The following CFAP54 variants were observed in gnomAD, a reference collection of about 807,000 sequenced individuals.
CFAP54 encodes cilia- and flagella-associated protein 54.
A neutral mutation model predicts 370.4 loss-of-function variants in CFAP54; 290 were observed. The observed-to-expected ratio is 0.78, with a 90% CI of 0.71 to 0.86. The LOEUF (loss-of-function observed/expected upper bound fraction) is 0.86, where lower values mean the gene tolerates loss of function less well. CFAP54 is among the 40% of genes least tolerant of loss of function. The pLI is 0.00. For missense variants in CFAP54, 3,399 were observed against 3,528.7 expected (o/e 0.96, Z 0.93); for synonymous variants, 1,206 against 1,236.5 (o/e 0.98, Z 0.52).
Position 96,789,837 on chromosome 12 carries a change from ATCATGT to A in CFAP54, c.8680-2491_8680-2486del, listed in dbSNP as rs1326034177. ...CTTGCCTGACAGGTGAAGCCACCTC[ATCATGT>A]GTTCGTTTCACTGGGGTAGACAGCT... On this transcript the variant is annotated intron_variant, in intron 62 of 67. Transcript: ENST00000524981. Among the ~76,000 whole-genome samples, 6 of 152,306 alleles carry A rather than the reference ATCATGT, an allele frequency of 3.9e-5. 1 individual carries two copies. Among genetic ancestry groups the A allele is most frequent in the Non-Finnish European group, 8.8e-5 (6 of 68,024 alleles).
At chr12:96,800,049 A>T (rs112309052) in intron 63 of CFAP54, among the ~76,000 whole-genome samples, 1,751 of 152,342 alleles carry the variant, frequency 0.011, 35 homozygotes, top group African/African-American at 0.039. Context: ...AGGAATACAT[A>T]GTCGGGAAAC....
intron 35 of CFAP54, among the ~76,000 whole-genome samples, chr12:96,650,938 G>A (rs1291384743): frequency 6.6e-6 from 1 of 152,164 alleles, no homozygotes; most frequent in African/African-American, 2.4e-5. Flanking sequence ...TGGGTCAGCA[G>A]TCTTGAAAGC....
chr12:96,805,271 G>A (rs889391122), intron 63 of CFAP54, among the ~76,000 whole-genome samples: 2 of 151,932 alleles, frequency 1.3e-5, no homozygotes, highest in Non-Finnish European at 1.5e-5. Context: ...AAGCTACACA[G>A]CAAAGGAAAT....
intron 48 of CFAP54, among the ~76,000 whole-genome samples, chr12:96,715,093 A>C (rs984148055): frequency 3.9e-5 from 6 of 152,200 alleles, no homozygotes; most frequent in Non-Finnish European, 7.4e-5. Context: ...TGGAATAGGA[A>C]ACAAAGACAT....
At chr12:96,874,016 C>A (rs777802923) in intron 67 of CFAP54, among the ~76,000 whole-genome samples, 2 of 152,166 alleles carry the variant, frequency 1.3e-5, no homozygotes, top group African/African-American at 2.4e-5. Context: ...CTCAAGATAA[C>A]CCTATCCAGT....
rs1397348574 is a variant in CFAP54 at position 96,623,873 on chromosome 12, C to A, written c.3878C>A (p.Thr1293Lys). 3 of 1,525,716 alleles carry A rather than the reference C, an allele frequency of 2.0e-6. No individual in the cohort carries two copies. Among genetic ancestry groups the A allele is most frequent in the Non-Finnish European group, 2.6e-6 (3 of 1,138,836 alleles). 94.5% of individuals were successfully genotyped at this position (1,525,716 alleles called of 1,614,324 possible). The change falls in exon 28 of 68, where the codon ACA becomes AAA. Residue 1293 changes from threonine to lysine, a missense_variant. This residue lies in a region of CFAP54 where 2,796 missense variants were observed against 2,869.7 expected (regional missense o/e 0.97). Coordinates refer to ENST00000524981, the MANE Select transcript of CFAP54 (RefSeq NM_001306084.2). ...TTGGAGACACACCTACTCAAACTGA[C>A]AAAGCAATGTAATCATTTGTTTTCT... is the stretch of plus-strand genomic sequence containing the variant. The part of the protein sequence containing the change: ...ALLETHLLKL[T>K]KQYVTSELSG...
intron 38 of CFAP54, among the ~76,000 whole-genome samples, chr12:96,658,616 CT>C (rs11316052): frequency 0.21 from 30,615 of 147,696 alleles, 3,568 homozygotes; most frequent in South Asian, 0.32. Context: ...GCCCAGAGTA[CT>C]TTTTTTTTTT....
At chr12:96,698,835 A>C (rs2136574739) in intron 45 of CFAP54, among the ~76,000 whole-genome samples, 2 of 152,356 alleles carry the variant, frequency 1.3e-5, no homozygotes, top group South Asian at 4.1e-4. Flanking sequence ...GAATGAAACA[A>C]GAAAAGAATG....
At chr12:96,826,769 T>G (rs1361560073) in intron 65 of CFAP54, among the ~76,000 whole-genome samples, 1 of 111,648 alleles carries the variant, frequency 9.0e-6, no homozygotes, top group African/African-American at 3.8e-5. Flanking sequence ...ATTAATATAT[T>G]ATATAATATA....
At chr12:96,825,590 A>C (rs1358400924) in intron 65 of CFAP54, among the ~76,000 whole-genome samples, 1 of 119,292 alleles carries the variant, frequency 8.4e-6, no homozygotes, top group Admixed American at 1.0e-4. Context: ...TTATATATAC[A>C]TATATTATTT....
chr12:96,729,063 C>T (rs548959918), intron 50 of CFAP54, among the ~76,000 whole-genome samples: 266 of 152,256 alleles, frequency 1.7e-3, no homozygotes, highest in Non-Finnish European at 3.0e-3. Context: ...AGTACCCGGC[C>T]ATGTGAGGTG....
chr12:96,843,466 T>C (rs138649861), intron 66 of CFAP54, among the ~76,000 whole-genome samples: 3 of 152,228 alleles, frequency 2.0e-5, no homozygotes, highest in Non-Finnish European at 2.9e-5. Context: ...AGAAATACAG[T>C]GAGGATAGAA....
chr12:96,631,598 TAAA>T (rs1956608486), intron 32 of CFAP54, among the ~76,000 whole-genome samples: 1 of 150,912 alleles, frequency 6.6e-6, no homozygotes, highest in South Asian at 2.1e-4. Flanking sequence ...TATCATATAA[TAAA>T]TTATATAATA....
intron 66 of CFAP54, among the ~76,000 whole-genome samples, chr12:96,844,788 C>T (rs985591257): frequency 6.6e-6 from 1 of 152,182 alleles, no homozygotes; most frequent in Non-Finnish European, 1.5e-5. Context: ...ACTCTAAGCT[C>T]CTTCTCACCG....
Position 96,725,151 on chromosome 12 carries a change from C to T in CFAP54, c.6965+4586C>T, listed in dbSNP as rs554380934. The stretch of plus-strand genomic sequence containing the variant: ...TTCTTTTGACTTAGGATTGACTTGG[C>T]GATGCGGGCTCTTTTTTGGTTCCAT... On this transcript the variant is annotated intron_variant, in intron 50 of 67. Coordinates refer to ENST00000524981, the MANE Select transcript of CFAP54 (RefSeq NM_001306084.2). Among the ~76,000 whole-genome samples, 313 of 151,994 alleles carry T rather than the reference C, an allele frequency of 2.1e-3. 1 individual carries two copies. The highest frequency in any genetic ancestry group is 7.0e-3 in the African/African-American group (289 of 41,424).
intron 50 of CFAP54, among the ~76,000 whole-genome samples, chr12:96,733,559 T>TTTTA (rs1555311109): frequency 1.4e-5 from 2 of 141,774 alleles, no homozygotes; most frequent in East Asian, 2.0e-4. Flanking sequence ...TTTTTTTTTT[T>TTTTA]AATAAGTGTT....
At chr12:96,818,753 A>C (rs1387097603) in intron 65 of CFAP54, among the ~76,000 whole-genome samples, 1 of 152,238 alleles carries the variant, frequency 6.6e-6, no homozygotes, top group Admixed American at 6.5e-5. Flanking sequence ...AAGATAGCCC[A>C]GAAGGGGTTG....
chr12:96,685,213 G>GCAGT lies in CFAP54; in HGVS notation c.5992_5995dup (p.Ile1999SerfsTer11). The GCAGT allele has an allele frequency of 6.2e-7, 1 of 1,614,056 alleles. No homozygotes were observed. ...TGGCATCTGGGGGTGTTTGCAAGGAGCAGTCATATCAGCAAAGATAGCACA... is the reference window on the plus strand; with the variant it reads ...TGGCATCTGGGGGTGTTTGCAAGGAGCAGTCAGTCATATCAGCAAAGATAGCACA... On this transcript the variant is annotated frameshift_variant, in exon 42 of 68. Transcript: ENST00000524981. LOFTEE classifies it high-confidence loss of function.
intron 56 of CFAP54, among the ~76,000 whole-genome samples, chr12:96,754,543 G>A (rs1388203857): frequency 6.6e-6 from 1 of 152,156 alleles, no homozygotes; most frequent in East Asian, 1.9e-4. Flanking sequence ...CCTGCTTGAT[G>A]ATGAGGAAAA....
Sources: allele counts gnomAD v4.1 joint callset (sites outside exome capture counted in the v4.1 genomes callset), GRCh38; gene constraint gnomAD v4.1.1; regional missense constraint gnomAD v4.1.1; transcripts MANE v1.5; gene names NCBI Gene and HGNC (gene_info 2026-07-23, HGNC 2026-07-21).